The following SLC28A3 variants were observed in gnomAD, a reference collection of about 807,000 sequenced individuals.
The protein encoded by SLC28A3 is concentrative Na(+)-nucleoside cotransporter 3.
SLC28A3 carries 68 observed loss-of-function variants against 84.2 expected under a neutral mutation model. That is an observed-to-expected ratio of 0.81 (90% CI 0.66 to 0.99). The LOEUF (loss-of-function observed/expected upper bound fraction) is 0.99. Among genes scored for constraint, SLC28A3 ranks in the 50% least tolerant of loss-of-function variants. SLC28A3 has a pLI of 0.00. For synonymous variants in SLC28A3, 267 were observed against 303.6 expected, an observed-to-expected ratio of 0.88 and a Z score of 1.25; for missense variants, 712 against 841.5, an observed-to-expected ratio of 0.85 and a Z score of 1.90.
At chr9:84,290,065 C>T (rs1825150446) in intron 11 of SLC28A3, 89 bp downstream of exon 11, 1 of 1,533,484 alleles carries the variant, frequency 6.5e-7, no homozygotes, top group African/African-American at 1.4e-5. Context: ...CTCTTGGCCT[C>T]CTTTTTCCAC....
upstream of SLC28A3, among the ~76,000 whole-genome samples, chr9:84,344,377 C>G (rs1304123592): frequency 6.6e-6 from 1 of 151,732 alleles, no homozygotes; most frequent in Non-Finnish European, 1.5e-5. Flanking sequence ...TTAGTAGAAA[C>G]AGAATTTCAC....
At chr9:84,315,529 G>GGA (rs1163621914) in intron 1 of SLC28A3, among the ~76,000 whole-genome samples, 2 of 152,210 alleles carry the variant, frequency 1.3e-5, no homozygotes, top group Non-Finnish European at 2.9e-5. Flanking sequence ...TAATGAAAGT[G>GGA]GAAGGTGTGT....
rs775359011 is a variant in SLC28A3 at position 84,298,012 on chromosome 9, C to T, written c.677G>A (p.Trp226Ter). 1.7e-5 allele frequency: 28 copies of T among 1,609,290 alleles called. No individual in the cohort carries two copies. Among genetic ancestry groups the T allele is most frequent in the Middle Eastern group, 1.6e-4 (1 of 6,062 alleles). The change falls in exon 7 of 18, where the codon TGG becomes TAG. Residue 226 changes from tryptophan to a stop codon, truncating the protein, a stop_gained. Coordinates refer to ENST00000376238, the MANE Select transcript of SLC28A3 (RefSeq NM_001199633.2). LOFTEE classifies it high-confidence loss of function. ...LFSKYPTRVY[W>*]RPVLWGIGLQ... ...CCCGATTCCCCATAAGACAGGTCTC[C>T]AGTAAACCTATACAGAAAGATCAAG... is the stretch of plus-strand genomic sequence containing the variant.
upstream of SLC28A3, among the ~76,000 whole-genome samples, chr9:84,343,215 A>C (rs1014505571): frequency 8.0e-5 from 11 of 137,474 alleles, no homozygotes; most frequent in African/African-American, 2.7e-4. Context: ...AAACAAAAGC[A>C]AAAAAAAATT....
In SLC28A3 at chr9:84,313,395, T is replaced by A. The variant is rs1240431425; in HGVS notation, c.120A>T (p.Arg40Ser). ...TTGTGTGCTCCCTGCTTTGCACAGCTCTGCTTCTTATTGAGTTGTTTCCTG... is the reference window on the plus strand; with the variant it reads ...TTGTGTGCTCCCTGCTTTGCACAGCACTGCTTCTTATTGAGTTGTTTCCTG... ...NTSGNNSIRS[R>S]AVQSREHTNT... Residue 40 changes from arginine (R) to serine (S), a missense_variant, in exon 2 of 18, where the codon AGA becomes AGT. Physicochemically the swap from Arg to Ser is moderately radical, Grantham distance 110 (BLOSUM62 -1). Coordinates refer to ENST00000376238, the MANE Select transcript of SLC28A3 (RefSeq NM_001199633.2). 6.2e-7 allele frequency: 1 copy of A among 1,614,162 alleles called. No individual in the cohort carries two copies. Among genetic ancestry groups the A allele is most frequent in the Admixed American group, 1.7e-5 (1 of 60,024 alleles).
chr9:84,319,084 A>G (rs1266860231), intron 1 of SLC28A3, among the ~76,000 whole-genome samples: 1 of 152,196 alleles, frequency 6.6e-6, no homozygotes, highest in Non-Finnish European at 1.5e-5. Context: ...AGTAGAAAAA[A>G]TCATTAGAAG....
intron 1 of SLC28A3, among the ~76,000 whole-genome samples, chr9:84,329,184 AC>A (rs750953256): frequency 2.6e-5 from 4 of 152,202 alleles, no homozygotes; most frequent in Non-Finnish European, 4.4e-5. Flanking sequence ...GCTATTGTTA[AC>A]ATATATGTAT....
intron 1 of SLC28A3, among the ~76,000 whole-genome samples, chr9:84,318,680 C>T (rs997715540): frequency 5.3e-5 from 8 of 151,524 alleles, no homozygotes; most frequent in Middle Eastern, 6.9e-3. Context: ...ATCAGCCTGA[C>T]CAATATGATG....
chr9:84,359,023 C>T, the SLC28A3 span, among the ~76,000 whole-genome samples: 8 of 152,216 alleles, frequency 5.3e-5, no homozygotes, highest in East Asian at 7.7e-4. Context: ...AGGCTGGTCT[C>T]GAACTCCTGA....
chr9:84,322,763 C>T (rs1479845140), intron 1 of SLC28A3, among the ~76,000 whole-genome samples: 1 of 151,984 alleles, frequency 6.6e-6, no homozygotes, highest in Admixed American at 6.6e-5. Flanking sequence ...CGCTTGAGCC[C>T]AGGAGGTGGA....
intron 1 of SLC28A3, among the ~76,000 whole-genome samples, chr9:84,324,318 C>T (rs578249676): frequency 2.6e-5 from 4 of 152,232 alleles, no homozygotes; most frequent in South Asian, 4.1e-4. Context: ...TTGGCAGATG[C>T]GAAAATCAGG....
At chr9:84,339,989 C>G (rs1394645133) in intron 1 of SLC28A3, among the ~76,000 whole-genome samples, 1 of 152,202 alleles carries the variant, frequency 6.6e-6, no homozygotes, top group Non-Finnish European at 1.5e-5. Flanking sequence ...CTAAAAACAG[C>G]CCTGGAAATC....
At chr9:84,280,755 T>G (rs745368018) in intron 15 of SLC28A3, 46 bp downstream of exon 15, 3 of 1,590,878 alleles carry the variant, frequency 1.9e-6, no homozygotes, top group Non-Finnish European at 1.7e-6. Flanking sequence ...GATCCAAGTA[T>G]GTCTATGGCA....
chr9:84,297,027 C>T (rs1011435337), intron 8 of SLC28A3, among the ~76,000 whole-genome samples, 194 bp downstream of exon 8: 2 of 152,178 alleles, frequency 1.3e-5, no homozygotes, highest in African/African-American at 2.4e-5. Flanking sequence ...TCCATAGTAA[C>T]AAGGTAAAAT....
In SLC28A3 at chr9:84,277,577, T is replaced by C. The variant is rs1824569560; in HGVS notation, c.*641A>G. ...TAAATCTGTAAGCCACTGAGGTTTT[T>C]GGGTTGTTTGTTTCTGTAGCGTAAT... On this transcript the variant is annotated 3_prime_UTR_variant, in exon 18 of 18. Coordinates refer to ENST00000376238, the MANE Select transcript of SLC28A3 (RefSeq NM_001199633.2). 1 of 152,136 alleles carries C rather than the reference T, an allele frequency of 6.6e-6. No homozygotes were observed. The highest frequency in any genetic ancestry group is 2.1e-4 in the South Asian group (1 of 4,832). 9.4% of individuals were successfully genotyped at this position (152,136 alleles called of 1,614,324 possible). A position where few individuals can be genotyped will look rare whatever the true frequency, so the allele number is the denominator to read the frequency against.
chr9:84,281,138 G>T (rs1206873593), intron 14 of SLC28A3, among the ~76,000 whole-genome samples: 4 of 152,158 alleles, frequency 2.6e-5, no homozygotes, highest in African/African-American at 9.7e-5. Context: ...TTCTACAAAT[G>T]CTGCTTCCTG....
intron 1 of SLC28A3, among the ~76,000 whole-genome samples, chr9:84,324,852 G>A (rs1457962913): frequency 6.6e-6 from 1 of 152,130 alleles, no homozygotes; most frequent in African/African-American, 2.4e-5. Flanking sequence ...AGATTTGCCT[G>A]TCTTGGCCCC....
intron 14 of SLC28A3, 121 bp downstream of exon 14, chr9:84,285,224 G>T: frequency 1.1e-6 from 1 of 921,360 alleles, no homozygotes; most frequent in Non-Finnish European, 1.6e-6. Flanking sequence ...ATTTTAGGTT[G>T]TTTTGCTCTC....
At chr9:84,353,531 G>C in the SLC28A3 span, among the ~76,000 whole-genome samples, 2 of 152,172 alleles carry the variant, frequency 1.3e-5, no homozygotes, top group African/African-American at 4.8e-5. Flanking sequence ...CCAACATGGT[G>C]AAACCCCATC....
Sources: allele counts gnomAD v4.1 joint callset (sites outside exome capture counted in the v4.1 genomes callset), GRCh38; gene constraint gnomAD v4.1.1; transcripts MANE v1.5; gene names NCBI Gene and HGNC (gene_info 2026-07-23, HGNC 2026-07-21).